Variants in COL4A4 observed in about 807,000 individuals in gnomAD.
COL4A4 encodes collagen type IV alpha 4 chain.
COL4A4 carries 105 observed loss-of-function variants against 192.9 expected under a neutral mutation model. The observed-to-expected ratio is 0.54, with a 90% CI of 0.46 to 0.64. COL4A4 has a LOEUF of 0.64. COL4A4 is among the 30% of genes least tolerant of loss of function. COL4A4 has a pLI of 0.00. For synonymous variants in COL4A4, 762 were observed against 769.9 expected (o/e 0.99, Z 0.17); for missense variants, 1,967 against 2,169.3 (o/e 0.91, Z 1.85).
At chr2:227,014,413 T>A (rs373238568) in intron 44 of COL4A4, among the ~76,000 whole-genome samples, 3 of 152,218 alleles carry the variant, frequency 2.0e-5, no homozygotes, top group East Asian at 1.9e-4. Flanking sequence ...ACTTTAAAAC[T>A]CTTTCCGGTG....
chr2:227,032,311 C>T lies in COL4A4; in HGVS notation c.3578-35G>A, dbSNP rs373263352. On this transcript the variant is annotated intron_variant, in intron 38 of 47. Coordinates refer to ENST00000396625, the MANE Select transcript of COL4A4 (RefSeq NM_000092.5). Reference sequence around the variant, plus strand: ...GAAAACAGAATTAATACTATATCTTCTCTTTTCTTGTCCCTGTTATAGTGC... The same window carrying T: ...GAAAACAGAATTAATACTATATCTTTTCTTTTCTTGTCCCTGTTATAGTGC... 1.9e-6 allele frequency: 3 copies of T among 1,589,228 alleles called. No homozygotes were observed. In the African/African-American group the frequency reaches 4.0e-5, roughly 21 times the overall value.
At chr2:227,141,027 T>C (rs1434433829) in intron 3 of COL4A4, among the ~76,000 whole-genome samples, 2 of 152,138 alleles carry the variant, frequency 1.3e-5, no homozygotes, top group Non-Finnish European at 1.5e-5. Flanking sequence ...ACTATTTCCA[T>C]AGGCAGATCC....
rs1304177788 is a variant in COL4A4 at position 227,108,614 on chromosome 2, G to A, written c.702C>T (p.Pro234=). 10 of 1,613,784 alleles carry A rather than the reference G, an allele frequency of 6.2e-6. No individual in the cohort carries two copies. The highest frequency in any genetic ancestry group is 1.6e-4 in the Middle Eastern group (1 of 6,082). The change falls in exon 12 of 48, where the codon CCC becomes CCT. Residue 234 remains proline (P), a synonymous_variant. Coordinates refer to ENST00000396625, the MANE Select transcript of COL4A4 (RefSeq NM_000092.5). ...QPGRPGLKGN[P]GVGVKGQMGD... The stretch of plus-strand genomic sequence containing the variant: ...CCATTTGCCCCTTTACTCCCACACC[G>A]GGATTTCCCTGAGAAAGAAATGAAA...
chr2:226,989,561 A>G, the COL4A4 span, among the ~76,000 whole-genome samples: 8 of 152,228 alleles, frequency 5.3e-5, no homozygotes, highest in Admixed American at 4.6e-4. Context: ...CAGAGTGAGC[A>G]TGTAGCAATT....
chr2:227,149,995 T>C (rs1458224120), intron 1 of COL4A4, among the ~76,000 whole-genome samples: 1 of 152,238 alleles, frequency 6.6e-6, no homozygotes, highest in Non-Finnish European at 1.5e-5. Context: ...GGTTACCATA[T>C]AATCTCTATG....
intron 21 of COL4A4, among the ~76,000 whole-genome samples, chr2:227,089,109 A>G (rs1348212963): frequency 1.3e-5 from 2 of 152,182 alleles, no homozygotes; most frequent in African/African-American, 2.4e-5. Flanking sequence ...AATTCTACTG[A>G]AGAAACGTTA....
chr2:226,994,472 G>C, the COL4A4 span, among the ~76,000 whole-genome samples: 1 of 152,212 alleles, frequency 6.6e-6, no homozygotes, highest in Admixed American at 6.5e-5. Flanking sequence ...AGCATTACAA[G>C]AGTGAGTAAG....
intron 7 of COL4A4, 66 bp from the exon 8 acceptor site, chr2:227,114,762 C>CTA: frequency 7.7e-7 from 1 of 1,290,554 alleles, no homozygotes; most frequent in Non-Finnish European, 1.1e-6. Context: ...ATTTTCTTTT[C>CTA]TATATAAAAT....
intron 12 of COL4A4, among the ~76,000 whole-genome samples, chr2:227,105,709 A>G (rs113954215): frequency 2.1e-4 from 32 of 152,324 alleles, no homozygotes; most frequent in African/African-American, 7.5e-4. Flanking sequence ...ATTATTCTAC[A>G]CTTAGTATGA....
intron 3 of COL4A4, among the ~76,000 whole-genome samples, chr2:227,143,785 A>G (rs1013848575): frequency 6.6e-6 from 1 of 152,218 alleles, no homozygotes; most frequent in Non-Finnish European, 1.5e-5. Context: ...CCTACTCAAT[A>G]CAGGAGATAA....
intron 35 of COL4A4, among the ~76,000 whole-genome samples, chr2:227,046,553 A>G (rs6707158): frequency 0.52 from 78,424 of 151,840 alleles, 20,575 homozygotes; most frequent in South Asian, 0.63. Flanking sequence ...TAAATTCCTA[A>G]GAGAATTCCT....
chr2:227,135,066 A>G (rs767590804), intron 4 of COL4A4, among the ~76,000 whole-genome samples: 6 of 152,236 alleles, frequency 3.9e-5, no homozygotes, highest in Non-Finnish European at 7.3e-5. Context: ...GGAATAATAG[A>G]AAATCCTGCC....
upstream of COL4A4, chr2:227,164,465 A>G (rs899762673): frequency 1.9e-6 from 1 of 524,324 alleles, no homozygotes. This position sits in a 1 kb window ranked among gnomAD's most constrained non-coding sequence, Gnocchi z 4.8. Context: ...ATGCCCGGGT[A>G]GAAGGGACAC....
In COL4A4 at chr2:227,012,172, A is replaced by C. The variant is rs1315396736; in HGVS notation, c.4333+9T>G. 1 of 1,600,994 alleles carries C rather than the reference A, an allele frequency of 6.2e-7. No homozygotes were observed. Among genetic ancestry groups the C allele is most frequent in the Non-Finnish European group, 8.6e-7 (1 of 1,168,104 alleles). Reference sequence around the variant, plus strand: ...GTGTCAGAGAAAAGAGGAGTGACTGAAACTCTACCTGGTCCTCCAGGGTAG... The same window carrying C: ...GTGTCAGAGAAAAGAGGAGTGACTGCAACTCTACCTGGTCCTCCAGGGTAG... On this transcript the variant is annotated intron_variant, in intron 45 of 47. Coordinates refer to ENST00000396625, the MANE Select transcript of COL4A4 (RefSeq NM_000092.5).
chr2:227,090,045 C>T (rs1391589479), intron 20 of COL4A4, 88 bp from the exon 21 acceptor site: 2 of 997,194 alleles, frequency 2.0e-6, no homozygotes, highest in Non-Finnish European at 1.6e-6. Flanking sequence ...GCACTCACAT[C>T]CTCCCCCACG....
chr2:226,986,609 T>C, the COL4A4 span, among the ~76,000 whole-genome samples: 4 of 152,122 alleles, frequency 2.6e-5, no homozygotes, highest in African/African-American at 9.7e-5. Context: ...ATTAGAGAAA[T>C]GCAAATCAAA....
In COL4A4 at chr2:227,030,595, G is replaced by A. The variant is rs757873496; in HGVS notation, c.3821C>T (p.Ala1274Val). 6 of 1,598,138 alleles carry A rather than the reference G, an allele frequency of 3.8e-6. No individual in the cohort carries two copies. The South Asian group carries it at 6.7e-5, about 18-fold the overall frequency. Residue 1274 changes from alanine (A) to valine (V), a missense_variant, in exon 41 of 48, where the codon GCA becomes GTA. Physicochemically the swap from Ala to Val is moderately conservative, Grantham distance 64. Coordinates refer to ENST00000396625, the MANE Select transcript of COL4A4 (RefSeq NM_000092.5). The part of the protein sequence containing the change: ...GPPGPDGPRG[A>V]PGPPGLPGSV... ...CCCAGGGAGGCCTGGAGGCCCAGGT[G>A]CTCCTGACCACAGAGAAGAGACAAA...
chr2:227,094,622 C>A (rs2060112445), intron 19 of COL4A4, among the ~76,000 whole-genome samples: 1 of 152,136 alleles, frequency 6.6e-6, no homozygotes, highest in South Asian at 2.1e-4. Context: ...CAGAGATCTA[C>A]TGTACAGCGT....
At chr2:227,040,812 C>T (rs925298749) in intron 37 of COL4A4, among the ~76,000 whole-genome samples, 4 of 152,056 alleles carry the variant, frequency 2.6e-5, no homozygotes, top group Admixed American at 6.5e-5. Context: ...GATCCGCCCA[C>T]GTCAGCCTCC....
Sources: allele counts gnomAD v4.1 joint callset (sites outside exome capture counted in the v4.1 genomes callset), GRCh38; gene constraint gnomAD v4.1.1; non-coding constraint Gnocchi (gnomAD v3.1); transcripts MANE v1.5; gene names NCBI Gene and HGNC (gene_info 2026-07-23, HGNC 2026-07-21).